The following TTC34 variants were observed in gnomAD, a reference collection of about 807,000 sequenced individuals.
The protein encoded by TTC34 is tetratricopeptide repeat domain 34.
A neutral mutation model predicts 40.7 loss-of-function variants in TTC34; 44 were observed. The observed-to-expected ratio is 1.08, with a 90% confidence interval of 0.85 to 1.39. The LOEUF (loss-of-function observed/expected upper bound fraction) is 1.39. TTC34 is among the 40% of genes most tolerant of loss of function. TTC34 has a pLI of 0.00. For synonymous variants in TTC34, 422 were observed against 398.6 expected (o/e 1.06, Z -0.70); for missense variants, 884 against 838.0 (o/e 1.05, Z -0.68).
Position 2,691,783 on chromosome 1 carries a change from C to G in TTC34, c.2227-46220G>C, listed in dbSNP as rs552859393. On this transcript the variant is annotated intron_variant, in intron 6 of 8. Transcript: ENST00000401095. ...CTGAACGCAAATAGCAGCACCCACA[C>G]CCCCAGGCGAGCATCCGACAGCCTG... 4.4e-5 allele frequency among the ~76,000 whole-genome samples: 4 copies of G among 91,722 alleles called. 1 individual carries two copies. The Admixed American group carries it at 4.7e-4, about 11-fold the overall frequency. 60.2% of individuals were successfully genotyped at this position (91,722 alleles called of 152,430 possible). A position where few individuals can be genotyped will look rare whatever the true frequency, so the allele number is the denominator to read the frequency against.
In TTC34 at chr1:2,692,285, G is replaced by C. The variant is rs376854540; in HGVS notation, c.2227-46722C>G. Among the ~76,000 whole-genome samples the C allele has an allele frequency of 9.0e-5, 6 of 66,818 alleles. 2 individuals are homozygous for C. Among genetic ancestry groups the C allele is most frequent in the Non-Finnish European group, 2.1e-4 (6 of 28,298 alleles). The allele number at this position is 66,818 out of a possible 152,430, so 43.8% of individuals were successfully genotyped here. ...CACACCCTCAGGTGAGCATCTGACA[G>C]CCTGGAGCAGCAGGCACACCCCCAG... On this transcript the variant is annotated intron_variant, in intron 6 of 8. Coordinates refer to ENST00000401095, the Ensembl canonical transcript of TTC34.
chr1:2,789,607 C>A, exon 3 of TTC34: 1 of 1,391,816 alleles, frequency 7.2e-7, no homozygotes, highest in African/African-American at 1.5e-5. Context: ...GGGCCTCCTC[C>A]CGCAGCACCA....
chr1:2,657,443 A>G (rs28440096), intron 6 of TTC34, among the ~76,000 whole-genome samples: 79 of 71,340 alleles, frequency 1.1e-3, no homozygotes, highest in African/African-American at 3.6e-3. Context: ...ATCTGAACTC[A>G]TGGAGCAGCA....
chr1:2,795,320 T>G (rs1311621438), intron 2 of TTC34, among the ~76,000 whole-genome samples: 2 of 152,212 alleles, frequency 1.3e-5, no homozygotes, highest in Non-Finnish European at 2.9e-5. Context: ...AGCTGGACAG[T>G]TCTTCTGTTG....
Position 2,686,906 on chromosome 1 carries a change from C to G in TTC34, c.2227-41343G>C, listed in dbSNP as rs530201577. 1.1e-3 allele frequency among the ~76,000 whole-genome samples: 162 copies of G among 142,340 alleles called. 2 individuals carry two copies. The highest frequency in any genetic ancestry group is 4.1e-3 in the African/African-American group (147 of 35,856). The allele number at this position is 142,340 out of a possible 152,430, so 93.4% of individuals were successfully genotyped here. On this transcript the variant is annotated intron_variant, in intron 6 of 8. Coordinates refer to ENST00000401095, the Ensembl canonical transcript of TTC34. ...CACCCCCTGATGAGCATCTGACAGC[C>G]TGGAACAGCACCCACACTCCCAGAC...
chr1:2,681,742 C>T (rs1341777263), intron 6 of TTC34, among the ~76,000 whole-genome samples: 1 of 115,212 alleles, frequency 8.7e-6, no homozygotes, highest in Non-Finnish European at 2.1e-5. Context: ...GCGGAACCCA[C>T]GGCCACAGGC....
intron 6 of TTC34, among the ~76,000 whole-genome samples, chr1:2,652,950 T>G (rs1639201101): frequency 1.3e-5 from 2 of 151,900 alleles, no homozygotes; most frequent in African/African-American, 4.8e-5. Context: ...TCTGACAGCC[T>G]GGAGCAGTGC....
chr1:2,787,182 G>A (rs1643601642), intron 4 of TTC34, among the ~76,000 whole-genome samples: 1 of 152,166 alleles, frequency 6.6e-6, no homozygotes. Context: ...TGGCCCTTAT[G>A]CTTCGTAACC....
intron 2 of TTC34, among the ~76,000 whole-genome samples, chr1:2,797,038 G>A (rs1006028154): frequency 1.3e-5 from 2 of 152,078 alleles, no homozygotes; most frequent in Non-Finnish European, 2.9e-5. Context: ...CACGGGCTCC[G>A]AATTTTCTTC....
chr1:2,756,613 A>G (rs1641513818), intron 6 of TTC34, among the ~76,000 whole-genome samples: 1 of 151,848 alleles, frequency 6.6e-6, no homozygotes, highest in East Asian at 1.9e-4. Flanking sequence ...GACAGCCTGG[A>G]ACAGCACCCA....
intron 6 of TTC34, among the ~76,000 whole-genome samples, chr1:2,751,358 C>T (rs1641312772): frequency 6.8e-6 from 1 of 147,660 alleles, no homozygotes; most frequent in African/African-American, 2.5e-5. Context: ...CCTGGGTCGG[C>T]ACCCACACCC....
In TTC34 at chr1:2,755,624, C is replaced by A. The variant is rs1437219111; in HGVS notation, c.2226+27985G>T. Among the ~76,000 whole-genome samples the A allele has an allele frequency of 9.4e-5, 12 of 127,084 alleles. 3 individuals carry two copies. The South Asian group carries it at 1.6e-3, about 17-fold the overall frequency. 83.4% of individuals were successfully genotyped at this position (127,084 alleles called of 152,430 possible). ...GACAGCCTGGAGCAGCACCCACACACCCAGGTGCGCATCTGATGGTCTGGA... is the reference window on the plus strand; with the variant it reads ...GACAGCCTGGAGCAGCACCCACACAACCAGGTGCGCATCTGATGGTCTGGA... On this transcript the variant is annotated intron_variant, in intron 6 of 8. Transcript: ENST00000401095.
At chr1:2,781,471 T>C (rs919278435) in intron 6 of TTC34, among the ~76,000 whole-genome samples, 2 of 152,242 alleles carry the variant, frequency 1.3e-5, no homozygotes, top group Admixed American at 1.3e-4. Context: ...ATAAGATCTG[T>C]GAACAGAGAT....
chr1:2,789,440 G>A, intron 3 of TTC34, 63 bp downstream of exon 3: 1 of 1,423,750 alleles, frequency 7.0e-7, no homozygotes, highest in Non-Finnish European at 9.3e-7. Context: ...AAACACATCC[G>A]TCGCTACCTC....
In TTC34 at chr1:2,690,703, C is replaced by T. The variant is rs984360584; in HGVS notation, c.2227-45140G>A. ...CAGCCTGGAAGAGCACCCCACATCCCCGGGTGAGCATGCGATAGCCTGGAG... is the reference window on the plus strand; with the variant it reads ...CAGCCTGGAAGAGCACCCCACATCCTCGGGTGAGCATGCGATAGCCTGGAG... On this transcript the variant is annotated intron_variant, in intron 6 of 8. Coordinates refer to ENST00000401095, the Ensembl canonical transcript of TTC34. Among the ~76,000 whole-genome samples, 3 of 87,750 alleles carry T rather than the reference C, an allele frequency of 3.4e-5. No individual in the cohort carries two copies. In the East Asian group the frequency reaches 8.1e-4, roughly 24 times the overall value. 57.6% of individuals were successfully genotyped at this position (87,750 alleles called of 152,430 possible).
At chr1:2,691,291 A>T (rs1640606227) in intron 6 of TTC34, among the ~76,000 whole-genome samples, 1 of 94,290 alleles carries the variant, frequency 1.1e-5, no homozygotes, top group Non-Finnish European at 2.4e-5. Context: ...AGCCTGGAGC[A>T]GCACCCACAA....
At chr1:2,772,940 C>A (rs868615534) in intron 6 of TTC34, among the ~76,000 whole-genome samples, 1 of 137,456 alleles carries the variant, frequency 7.3e-6, no homozygotes, top group African/African-American at 2.6e-5. Context: ...ACCCATACCC[C>A]CAGGCGAGCA....
intron 6 of TTC34, among the ~76,000 whole-genome samples, chr1:2,771,712 CA>C (rs1642197248): frequency 8.4e-6 from 1 of 118,464 alleles, no homozygotes; most frequent in Non-Finnish European, 1.7e-5. Flanking sequence ...CAGCCTGGGG[CA>C]GTGCCCACAG....
chr1:2,767,393 C>A (rs1641800121), intron 6 of TTC34, among the ~76,000 whole-genome samples: 3 of 138,198 alleles, frequency 2.2e-5, no homozygotes, highest in Non-Finnish European at 4.7e-5. Flanking sequence ...CCTGGAGCAG[C>A]ACCCACACCC....
Sources: allele counts gnomAD v4.1 joint callset (sites outside exome capture counted in the v4.1 genomes callset), GRCh38; gene constraint gnomAD v4.1.1; transcripts MANE v1.5; gene names NCBI Gene and HGNC (gene_info 2026-07-23, HGNC 2026-07-21).